ASIC2: variants seen among roughly 807,000 people sequenced by gnomAD.
ASIC2 encodes acid sensing ion channel subunit 2.
In ASIC2, 25 loss-of-function variants were observed where a neutral mutation model predicts 57.3. The ratio of observed to expected loss-of-function variants is 0.44; its 90% CI spans 0.32 to 0.61. ASIC2 has a LOEUF of 0.61. Among genes scored for constraint, ASIC2 ranks in the 20% least tolerant of loss-of-function variants. The pLI is 0.06. For missense variants in ASIC2, 641 were observed against 738.1 expected (o/e 0.87, Z 1.52); for synonymous variants, 319 against 307.5 (o/e 1.04, Z -0.39).
chr17:34,074,211 T>C (rs117953856), intron 1 of ASIC2, among the ~76,000 whole-genome samples: 4 of 152,326 alleles, frequency 2.6e-5, no homozygotes, highest in Non-Finnish European at 4.4e-5. Flanking sequence ...AGGATGGTGA[T>C]ACACACTGTA....
chr17:33,962,272 G>A (rs142145058), intron 1 of ASIC2, among the ~76,000 whole-genome samples: 53 of 152,302 alleles, frequency 3.5e-4, no homozygotes, highest in African/African-American at 7.2e-4. Flanking sequence ...CATGGAGGAG[G>A]AGCTTTGAGG....
intron 1 of ASIC2, among the ~76,000 whole-genome samples, chr17:33,687,714 C>A: frequency 6.6e-6 from 1 of 152,284 alleles, no homozygotes; most frequent in Non-Finnish European, 1.5e-5. Context: ...GATAATTATT[C>A]ATTGGATGTA....
At chr17:33,391,814 TTTAA>T (rs1478694891) in intron 1 of ASIC2, among the ~76,000 whole-genome samples, 2 of 152,256 alleles carry the variant, frequency 1.3e-5, no homozygotes, top group African/African-American at 2.4e-5. Flanking sequence ...TGTTAAGTGC[TTTAA>T]TTATATTTTC....
chr17:34,073,686 ACTTT>A (rs1350146817), intron 1 of ASIC2, among the ~76,000 whole-genome samples: 2 of 152,192 alleles, frequency 1.3e-5, no homozygotes, highest in African/African-American at 4.8e-5. Context: ...TGACTTACCT[ACTTT>A]ATTTTCTTGC....
intron 1 of ASIC2, among the ~76,000 whole-genome samples, chr17:33,725,045 C>T (rs1041042525): frequency 1.2e-4 from 19 of 152,242 alleles, no homozygotes; most frequent in African/African-American, 4.6e-4. Context: ...CTTGTCGGGA[C>T]GCCCCTTCTG....
At chr17:33,132,604 C>T (rs375694604) in intron 1 of ASIC2, among the ~76,000 whole-genome samples, 7 of 152,244 alleles carry the variant, frequency 4.6e-5, no homozygotes, top group East Asian at 1.9e-4. Context: ...GATGCATGTG[C>T]GCTCATGCAC....
chr17:33,220,071 G>A (rs1247639358), intron 1 of ASIC2, among the ~76,000 whole-genome samples: 1 of 152,126 alleles, frequency 6.6e-6, no homozygotes, highest in African/African-American at 2.4e-5. Flanking sequence ...CCCTGCTAAC[G>A]TCTAACAGTC....
chr17:33,597,410 A>T (rs180993000), intron 1 of ASIC2, among the ~76,000 whole-genome samples: 63 of 152,306 alleles, frequency 4.1e-4, no homozygotes, highest in Non-Finnish European at 8.8e-5. Flanking sequence ...GCTTGGATCT[A>T]ACAATATTCT....
At chr17:33,685,408 T>C (rs554433713) in intron 1 of ASIC2, among the ~76,000 whole-genome samples, 48 of 152,148 alleles carry the variant, frequency 3.2e-4, no homozygotes, top group Non-Finnish European at 6.0e-4. Flanking sequence ...ACTTCTTCAA[T>C]GACTCTCCTG....
intron 1 of ASIC2, among the ~76,000 whole-genome samples, chr17:34,016,190 C>T (rs759513172): frequency 2.8e-4 from 42 of 151,854 alleles, no homozygotes; most frequent in African/African-American, 9.0e-4. Context: ...TTTGGGAGGC[C>T]GAGGCAGGTG....
chr17:33,307,546 G>T (rs1490214515), intron 1 of ASIC2, among the ~76,000 whole-genome samples: 1 of 152,132 alleles, frequency 6.6e-6, no homozygotes, highest in Non-Finnish European at 1.5e-5. Flanking sequence ...CTGACTTCAG[G>T]TGATCCACCC....
chr17:33,333,809 G>T (rs948413031), intron 1 of ASIC2, among the ~76,000 whole-genome samples: 3 of 152,210 alleles, frequency 2.0e-5, no homozygotes, highest in African/African-American at 7.2e-5. Flanking sequence ...GGAGGATTAT[G>T]GGTATAAAGG....
intron 1 of ASIC2, among the ~76,000 whole-genome samples, chr17:33,357,899 T>A (rs1908448716): frequency 6.6e-6 from 1 of 152,224 alleles, no homozygotes; most frequent in African/African-American, 2.4e-5. Context: ...ATGACTTGCA[T>A]CAGAGTCACT....
intron 1 of ASIC2, among the ~76,000 whole-genome samples, chr17:34,132,149 G>T (rs1190216712): frequency 6.6e-6 from 1 of 152,180 alleles, no homozygotes; most frequent in South Asian, 2.1e-4. Flanking sequence ...CCAGAGTATG[G>T]CTTCAGAAAA....
At chr17:33,033,877 C>T (rs2091897017) in intron 3 of ASIC2, among the ~76,000 whole-genome samples, 1 of 152,194 alleles carries the variant, frequency 6.6e-6, no homozygotes, top group Admixed American at 6.5e-5. Context: ...GCCCTGGGCT[C>T]AGCCAGAGCA....
chr17:33,038,212 C>G (rs1402305876), intron 3 of ASIC2, among the ~76,000 whole-genome samples: 1 of 152,184 alleles, frequency 6.6e-6, no homozygotes, highest in East Asian at 1.9e-4. Flanking sequence ...ACTTAGTTCT[C>G]ATCACCTTCT....
chr17:33,219,551 A>G (rs911426159), intron 1 of ASIC2, among the ~76,000 whole-genome samples: 7 of 152,242 alleles, frequency 4.6e-5, no homozygotes, highest in African/African-American at 1.7e-4. Flanking sequence ...TCAGACCAGC[A>G]AATGAGAAAA....
chr17:33,696,375 C>T (rs986343198), intron 1 of ASIC2, among the ~76,000 whole-genome samples: 3 of 152,144 alleles, frequency 2.0e-5, no homozygotes, highest in African/African-American at 4.8e-5. Flanking sequence ...AGTTTAGGAC[C>T]GGAGCAAAGA....
intron 1 of ASIC2, among the ~76,000 whole-genome samples, chr17:33,188,617 C>T (rs541848226): frequency 1.3e-5 from 2 of 152,102 alleles, no homozygotes; most frequent in South Asian, 2.1e-4. Flanking sequence ...TGAAAGCAGA[C>T]GTCTCAGAAA....
Sources: allele counts gnomAD v4.1 joint callset (sites outside exome capture counted in the v4.1 genomes callset), GRCh38; gene constraint gnomAD v4.1.1; transcripts MANE v1.5; gene names NCBI Gene and HGNC (gene_info 2026-07-23, HGNC 2026-07-21).